The following PTK2 variants were observed in gnomAD, a reference collection of about 807,000 sequenced individuals.
PTK2 encodes the protein focal adhesion kinase 1.
A neutral mutation model predicts 150.1 loss-of-function variants in PTK2; 45 were observed. That is an observed-to-expected ratio of 0.30 (90% CI 0.24 to 0.38). PTK2 has a LOEUF of 0.38. Ranked by LOEUF, PTK2 falls within the 10% of genes least tolerant of loss-of-function variation. The pLI is 1.00. For missense variants in PTK2, 919 were observed against 1,307.3 expected (o/e 0.70, Z 4.58); for synonymous variants, 432 against 449.2 (o/e 0.96, Z 0.48).
intron 5 of PTK2, among the ~76,000 whole-genome samples, chr8:140,854,759 T>C (rs1383607706): frequency 6.6e-6 from 1 of 152,164 alleles, no homozygotes; most frequent in Non-Finnish European, 1.5e-5. Context: ...TTAATAATTA[T>C]GTCTAACTAG....
chr8:140,941,349 C>T lies in PTK2; in HGVS notation c.-121-15600G>A, dbSNP rs527781867. Reference sequence around the variant, plus strand: ...CTGTGTGATCAACACACAAATAGTTCTCTGCAGAGGCTGTAATAAACAGGT... The same window carrying T: ...CTGTGTGATCAACACACAAATAGTTTTCTGCAGAGGCTGTAATAAACAGGT... On this transcript the variant is annotated intron_variant, in intron 1 of 31. Transcript: ENST00000522684. Among the ~76,000 whole-genome samples the T allele has an allele frequency of 5.3e-5, 8 of 152,322 alleles. No homozygotes were observed. The East Asian group carries it at 1.5e-3, about 29-fold the overall frequency.
intron 13 of PTK2, among the ~76,000 whole-genome samples, chr8:140,792,517 T>C (rs1019469000): frequency 1.3e-5 from 2 of 152,214 alleles, no homozygotes; most frequent in Admixed American, 6.5e-5. Flanking sequence ...CTGTAATACA[T>C]CATAGCTGAG....
At position 140,919,589 on chromosome 8, in the gene PTK2, C is replaced by T. The variant is rs371223305; in HGVS notation, c.-33+6072G>A. Among the ~76,000 whole-genome samples the T allele has an allele frequency of 2.8e-4, 42 of 152,098 alleles. 2 individuals are homozygous for T. The highest frequency in any genetic ancestry group is 9.6e-4 in the African/African-American group (40 of 41,492). On this transcript the variant is annotated intron_variant, in intron 2 of 31. Coordinates refer to ENST00000522684, the Ensembl canonical transcript of PTK2. ...TACAATGGAGGTGGCAATATGCAAACGAACCCCAGCAAATCCAGGAAAAGA... is the reference window on the plus strand; with the variant it reads ...TACAATGGAGGTGGCAATATGCAAATGAACCCCAGCAAATCCAGGAAAAGA...
chr8:140,769,575 C>A, intron 14 of PTK2: 1 of 1,358,538 alleles, frequency 7.4e-7, no homozygotes, highest in South Asian at 1.2e-5. Context: ...TAAATATTAC[C>A]GTCCCCACTA....
intron 14 of PTK2, among the ~76,000 whole-genome samples, chr8:140,771,874 G>T (rs890024557): frequency 1.3e-5 from 2 of 151,634 alleles, no homozygotes; most frequent in African/African-American, 2.4e-5. Flanking sequence ...TCTGCCTCCG[G>T]GTTCAAGCGA....
At chr8:140,898,122 A>G (rs1349046838) in intron 2 of PTK2, among the ~76,000 whole-genome samples, 1 of 152,238 alleles carries the variant, frequency 6.6e-6, no homozygotes, top group Non-Finnish European at 1.5e-5. Flanking sequence ...CTTTTGTAAA[A>G]TACAATGAAA....
chr8:140,878,404 T>C (rs949880872), intron 4 of PTK2, among the ~76,000 whole-genome samples: 1 of 152,146 alleles, frequency 6.6e-6, no homozygotes, highest in African/African-American at 2.4e-5. Flanking sequence ...GTTTGAGATC[T>C]GTCTGGGCAA....
chr8:140,724,209 T>C (rs1043710914), intron 22 of PTK2, among the ~76,000 whole-genome samples: 4 of 152,246 alleles, frequency 2.6e-5, no homozygotes, highest in Admixed American at 1.3e-4. Flanking sequence ...TTTTGTCATT[T>C]ACAAGTAAAA....
At chr8:140,977,970 C>A (rs948293084) in intron 1 of PTK2, among the ~76,000 whole-genome samples, 2 of 152,166 alleles carry the variant, frequency 1.3e-5, no homozygotes, top group Admixed American at 6.6e-5. Context: ...CTACAACTAT[C>A]TGATCTTTGA....
At chr8:140,887,143 T>G (rs970584919) in intron 3 of PTK2, among the ~76,000 whole-genome samples, 1 of 152,184 alleles carries the variant, frequency 6.6e-6, no homozygotes, top group Non-Finnish European at 1.5e-5. Context: ...ATAACTGGAC[T>G]GACAAGGTGT....
chr8:140,812,682 A>AG (rs764158908), intron 10 of PTK2, among the ~76,000 whole-genome samples: 3 of 152,234 alleles, frequency 2.0e-5, no homozygotes, highest in Non-Finnish European at 4.4e-5. Flanking sequence ...AAAGGAATGG[A>AG]GAAAAATCCA....
intron 23 of PTK2, among the ~76,000 whole-genome samples, chr8:140,708,816 G>A (rs1479780150): frequency 1.3e-5 from 2 of 152,148 alleles, no homozygotes; most frequent in East Asian, 1.9e-4. Flanking sequence ...AAAGATATGT[G>A]TTAATATATA....
intron 10 of PTK2, among the ~76,000 whole-genome samples, chr8:140,816,498 G>A (rs1013624988): frequency 1.1e-4 from 17 of 152,122 alleles, no homozygotes; most frequent in African/African-American, 4.1e-4. Context: ...AGGGAGGCCG[G>A]TCTGTTTAAA....
At chr8:140,743,442 C>T (rs965880467) in intron 19 of PTK2, 112 bp from the exon 23 acceptor site, 16 of 615,320 alleles carry the variant, frequency 2.6e-5, no homozygotes, top group African/African-American at 1.5e-4. Flanking sequence ...ATATACAATG[C>T]GAGCAGATTA....
chr8:140,815,016 C>T (rs979041100), intron 10 of PTK2, among the ~76,000 whole-genome samples: 12 of 152,064 alleles, frequency 7.9e-5, no homozygotes, highest in Admixed American at 2.6e-4. Flanking sequence ...CCTCGTGATC[C>T]GCCCACCTTG....
chr8:140,796,922 TA>T (rs2100091965), intron 12 of PTK2, among the ~76,000 whole-genome samples: 1 of 152,202 alleles, frequency 6.6e-6, no homozygotes, highest in African/African-American at 2.4e-5. Context: ...TTAATAGAGC[TA>T]TTTTTTTAAA....
rs3835176 is a variant in PTK2 at position 140,659,719 on chromosome 8, A to AT, written c.2947-42dup. The AT allele has an allele frequency of 1.9e-3, 2,598 of 1,336,446 alleles. 3 individuals are homozygous for AT. Among genetic ancestry groups the AT allele is most frequent in the South Asian group, 5.4e-3 (407 of 75,914 alleles). The allele number at this position is 1,336,446 out of a possible 1,614,324, so 82.8% of individuals were successfully genotyped here. Reference sequence around the variant, plus strand: ...TAGGTCAGGAGAACTGTTTTCAGTGATTTTTTTTTTTCTTTTTTAGAGAGA... The same window carrying AT: ...TAGGTCAGGAGAACTGTTTTCAGTGATTTTTTTTTTTTCTTTTTTAGAGAGA... On this transcript the variant is annotated intron_variant, in intron 31 of 31. Coordinates refer to ENST00000522684, the Ensembl canonical transcript of PTK2.
At position 140,689,351 on chromosome 8, in the gene PTK2, T is replaced by C. The variant is rs1405857296; in HGVS notation, c.2500-2657A>G. 2.0e-5 allele frequency among the ~76,000 whole-genome samples: 3 copies of C among 152,184 alleles called. No homozygotes were observed. The East Asian group carries it at 5.8e-4, about 29-fold the overall frequency. On this transcript the variant is annotated intron_variant, in intron 26 of 31. Coordinates refer to ENST00000522684, the Ensembl canonical transcript of PTK2. ...GAAGACGAGACTCCAGGTTGACAATTCACAGAACATTACTCAATGTAAATA... is the reference window on the plus strand; with the variant it reads ...GAAGACGAGACTCCAGGTTGACAATCCACAGAACATTACTCAATGTAAATA...
chr8:140,659,872 G>T (rs1346910275), intron 31 of PTK2, among the ~76,000 whole-genome samples, 194 bp from the exon 36 acceptor site: 1 of 152,112 alleles, frequency 6.6e-6, no homozygotes, highest in Non-Finnish European at 1.5e-5. Context: ...ACTTTTCAGG[G>T]AATTTTTATG....
Sources: gnomAD v4.1 joint callset for allele counts (sites outside exome capture counted in the v4.1 genomes callset) on GRCh38, gnomAD v4.1.1 for gene constraint, MANE v1.5 for transcripts, NCBI Gene and HGNC (gene_info 2026-07-23, HGNC 2026-07-21) for gene names.